Variants in MGMT observed in about 807,000 individuals in gnomAD.
MGMT encodes the protein methylated-DNA--protein-cysteine methyltransferase.
Under a neutral mutation model 15.9 loss-of-function variants are expected in MGMT, and 14 were observed. That is an observed-to-expected ratio of 0.88 (90% CI 0.58 to 1.37). The LOEUF (loss-of-function observed/expected upper bound fraction) is 1.37. Ranked by LOEUF, MGMT falls within the 40% of genes most tolerant of loss-of-function variation. MGMT has a pLI of 0.00. For synonymous variants in MGMT, 130 were observed against 118.2 expected, an observed-to-expected ratio of 1.10 and a Z score of -0.65; for missense variants, 282 against 268.1, an observed-to-expected ratio of 1.05 and a Z score of -0.36.
At chr10:129,754,141 G>A (rs758875564) in intron 3 of MGMT, among the ~76,000 whole-genome samples, 1 of 151,548 alleles carries the variant, frequency 6.6e-6, no homozygotes, top group Non-Finnish European at 1.5e-5. Context: ...GCATAGGCGG[G>A]GAAGTAGACA....
intron 2 of MGMT, among the ~76,000 whole-genome samples, chr10:129,652,804 G>C (rs1469732405): frequency 6.6e-6 from 1 of 152,250 alleles, no homozygotes; most frequent in Non-Finnish European, 1.5e-5. Context: ...CACCCACGGG[G>C]TGACGTGTGG....
chr10:129,745,332 C>A (rs928182131), intron 3 of MGMT, among the ~76,000 whole-genome samples: 2 of 152,090 alleles, frequency 1.3e-5, no homozygotes, highest in African/African-American at 4.8e-5. Context: ...GTAACCACCC[C>A]CAAAATCAGG....
intron 1 of MGMT, among the ~76,000 whole-genome samples, chr10:129,497,203 C>G (rs539787667): frequency 6.6e-6 from 1 of 152,194 alleles, no homozygotes; most frequent in African/African-American, 2.4e-5. Flanking sequence ...ACCACTCCCC[C>G]GTCTCTGCAC....
chr10:129,562,803 A>G (rs1483264149), intron 2 of MGMT, among the ~76,000 whole-genome samples: 1 of 152,220 alleles, frequency 6.6e-6, no homozygotes, highest in Non-Finnish European at 1.5e-5. Context: ...CGATCTCACA[A>G]TATCTGGGGA....
intron 2 of MGMT, among the ~76,000 whole-genome samples, chr10:129,678,601 G>A (rs577582494): frequency 1.3e-5 from 2 of 152,302 alleles, no homozygotes; most frequent in South Asian, 2.1e-4. Context: ...GAGACTGTAG[G>A]AGACACACTG....
At chr10:129,587,417 A>G (rs1265498971) in intron 2 of MGMT, among the ~76,000 whole-genome samples, 2 of 132,776 alleles carry the variant, frequency 1.5e-5, no homozygotes, top group African/African-American at 2.8e-5. Flanking sequence ...TTTGAATGTC[A>G]TCTAGTATGT....
rs185021893 is a variant in MGMT at position 129,749,922 on chromosome 10, G to C, written c.275-9280G>C. On this transcript the variant is annotated intron_variant, in intron 3 of 4. Coordinates refer to ENST00000651593, the MANE Select transcript of MGMT (RefSeq NM_002412.5). Reference sequence around the variant, plus strand: ...ATTTGTCACCTATATATATTCTTTGGTGAAGTGTCTGTTAAGACTTGCCCA... The same window carrying C: ...ATTTGTCACCTATATATATTCTTTGCTGAAGTGTCTGTTAAGACTTGCCCA... Among the ~76,000 whole-genome samples, 616 of 152,082 alleles carry C rather than the reference G, an allele frequency of 4.1e-3. 7 individuals are homozygous for C. The highest frequency in any genetic ancestry group is 0.014 in the African/African-American group (587 of 41,472).
intron 2 of MGMT, among the ~76,000 whole-genome samples, chr10:129,593,056 G>C (rs2133055387): frequency 6.6e-6 from 1 of 152,308 alleles, no homozygotes; most frequent in East Asian, 1.9e-4. Flanking sequence ...GATGCTGCGA[G>C]GTCAGAGAAC....
intron 2 of MGMT, chr10:129,694,156 TCTC>T (rs2133130232): frequency 6.6e-6 from 1 of 152,402 alleles, no homozygotes; most frequent in South Asian, 2.1e-4. Flanking sequence ...CAGAAGCTCT[TCTC>T]AGCGGGAGGC....
intron 1 of MGMT, among the ~76,000 whole-genome samples, chr10:129,514,012 A>C (rs146066669): frequency 2.0e-4 from 30 of 152,350 alleles, no homozygotes; most frequent in African/African-American, 6.5e-4. Flanking sequence ...CATTCTTGAC[A>C]ACCAGCATTT....
chr10:129,616,176 C>A (rs560290371), intron 2 of MGMT, among the ~76,000 whole-genome samples: 3 of 152,154 alleles, frequency 2.0e-5, no homozygotes, highest in East Asian at 3.9e-4. Flanking sequence ...GAGGGAGCGG[C>A]GATTGGATTG....
chr10:129,649,455 T>C (rs1847432487), intron 2 of MGMT, among the ~76,000 whole-genome samples: 1 of 152,104 alleles, frequency 6.6e-6, no homozygotes, highest in African/African-American at 2.4e-5. Flanking sequence ...AAATAAAAGT[T>C]GGGAGGAAGA....
chr10:129,684,373 G>A (rs1847883742), intron 2 of MGMT, among the ~76,000 whole-genome samples: 1 of 152,170 alleles, frequency 6.6e-6, no homozygotes, highest in Non-Finnish European at 1.5e-5. Context: ...GGAGATGCAG[G>A]GGGGCCATCC....
At chr10:129,679,346 A>C (rs1166519156) in intron 2 of MGMT, among the ~76,000 whole-genome samples, 1 of 151,158 alleles carries the variant, frequency 6.6e-6, no homozygotes, top group Non-Finnish European at 1.5e-5. Context: ...GTGAGGTCCG[A>C]GTCGCTGTGG....
At chr10:129,720,290 G>T (rs1275982926) in intron 3 of MGMT, among the ~76,000 whole-genome samples, 1 of 152,240 alleles carries the variant, frequency 6.6e-6, no homozygotes, top group Admixed American at 6.5e-5. Flanking sequence ...TGCACTCTGG[G>T]ATGACACGTT....
rs141522690 is a variant in MGMT, at chr10:129,496,404, T to C, written c.-13+29108T>C. 7.2e-5 allele frequency among the ~76,000 whole-genome samples: 11 copies of C among 152,290 alleles called. No individual in the cohort carries two copies. In the East Asian group the frequency reaches 2.1e-3, roughly 29 times the overall value. On this transcript the variant is annotated intron_variant, in intron 1 of 4. Transcript: ENST00000651593. ...TGGCTAGCAAGCAGAGAGACTACTT[T>C]TATAACAAGATTAATACCTTGGCTC...
chr10:129,697,729 G>T (rs958896701), intron 2 of MGMT, among the ~76,000 whole-genome samples: 1 of 152,156 alleles, frequency 6.6e-6, no homozygotes, highest in Non-Finnish European at 1.5e-5. Flanking sequence ...ACGTCGAGGC[G>T]CCATGTTGCC....
chr10:129,536,225 A>G lies in MGMT; in HGVS notation c.-12-16A>G. On this transcript the variant is annotated splice_polypyrimidine_tract_variant and intron_variant, in intron 1 of 4. Coordinates refer to ENST00000651593, the MANE Select transcript of MGMT (RefSeq NM_002412.5). Reference sequence around the variant, plus strand: ...TCTTACCTATACACTTTGTCTTAAAAATTATTTCTGTTTAGGTACTTGGAA... The same window carrying G: ...TCTTACCTATACACTTTGTCTTAAAGATTATTTCTGTTTAGGTACTTGGAA... 1 of 1,613,596 alleles carries G rather than the reference A, an allele frequency of 6.2e-7. No homozygotes were observed. The highest frequency in any genetic ancestry group is 8.5e-7 in the Non-Finnish European group (1 of 1,179,840).
chr10:129,715,684 T>C (rs1197933560), intron 3 of MGMT: 1 of 152,250 alleles, frequency 6.6e-6, no homozygotes, highest in Non-Finnish European at 1.5e-5. Flanking sequence ...GAGAAAATGA[T>C]GTTTTAATAA....
Sources: gnomAD v4.1 joint callset for allele counts (sites outside exome capture counted in the v4.1 genomes callset) on GRCh38, gnomAD v4.1.1 for gene constraint, MANE v1.5 for transcripts, NCBI Gene and HGNC (gene_info 2026-07-23, HGNC 2026-07-21) for gene names.